MCU: variants seen among roughly 807,000 people sequenced by gnomAD.
The protein encoded by MCU is calcium uniporter protein, mitochondrial.
MCU carries 12 observed loss-of-function variants against 45.2 expected under a neutral mutation model. The observed-to-expected ratio is 0.27, with a 90% CI of 0.17 to 0.43. The LOEUF (loss-of-function observed/expected upper bound fraction) is 0.43. Among genes scored for constraint, MCU ranks in the 20% least tolerant of loss-of-function variants. The probability of loss-of-function intolerance (pLI) is 1.00; values close to 1 mark genes in which losing one functional copy is unlikely to be tolerated. For missense variants in MCU, 324 were observed against 436.7 expected, an observed-to-expected ratio of 0.74 and a Z score of 2.30; for synonymous variants, 160 against 165.1, an observed-to-expected ratio of 0.97 and a Z score of 0.24.
At chr10:72,768,613 T>C (rs1843761381) in intron 1 of MCU, among the ~76,000 whole-genome samples, 1 of 152,252 alleles carries the variant, frequency 6.6e-6, no homozygotes, top group African/African-American at 2.4e-5. Context: ...CCATTCACTT[T>C]GATTGTCATT....
At chr10:72,844,556 T>C (rs1191505995) in intron 2 of MCU, among the ~76,000 whole-genome samples, 1 of 152,084 alleles carries the variant, frequency 6.6e-6, no homozygotes, top group Non-Finnish European at 1.5e-5. Flanking sequence ...GTGACAAGAA[T>C]GCGACTCTGT....
At chr10:72,692,729 C>T (rs957891322) in intron 1 of MCU, 1 of 1,276,418 alleles carries the variant, frequency 7.8e-7, no homozygotes, top group African/African-American at 1.5e-5. Flanking sequence ...GCCGCGGCCG[C>T]CTTGTGTGTG....
chr10:72,765,118 G>T (rs1843707482), intron 1 of MCU, among the ~76,000 whole-genome samples: 1 of 151,512 alleles, frequency 6.6e-6, no homozygotes, highest in Non-Finnish European at 1.5e-5. Flanking sequence ...GAGAGTTAGG[G>T]CATGTAGAAC....
chr10:72,860,386 A>G (rs755215498), intron 3 of MCU, 37 bp from the exon 4 acceptor site: 4 of 1,526,156 alleles, frequency 2.6e-6, no homozygotes, highest in African/African-American at 2.7e-5. Context: ...TTGAATAATT[A>G]TGGACCTATG....
chr10:72,841,388 C>T (rs1236744302), intron 2 of MCU, among the ~76,000 whole-genome samples: 1 of 152,116 alleles, frequency 6.6e-6, no homozygotes, highest in Non-Finnish European at 1.5e-5. Context: ...ACCTCCTTCT[C>T]CCAGGTTCAA....
chr10:72,869,001 T>C, intron 5 of MCU, 138 bp downstream of exon 5: 1 of 864,228 alleles, frequency 1.2e-6, no homozygotes, highest in Non-Finnish European at 1.7e-6. Flanking sequence ...GACTGAACCA[T>C]AAAAAAGTTT....
chr10:72,817,293 A>G (rs1488145020), intron 1 of MCU, among the ~76,000 whole-genome samples: 1 of 152,216 alleles, frequency 6.6e-6, no homozygotes, highest in Non-Finnish European at 1.5e-5. Flanking sequence ...CAGTAATAGG[A>G]ACCTTTAATC....
At chr10:72,763,904 C>T (rs1372603147) in intron 1 of MCU, among the ~76,000 whole-genome samples, 2 of 152,018 alleles carry the variant, frequency 1.3e-5, no homozygotes, top group Admixed American at 1.3e-4. Context: ...TATTAATACT[C>T]TCCCCTTCAC....
chr10:72,707,223 G>C (rs1265637588), intron 1 of MCU, among the ~76,000 whole-genome samples: 2 of 144,072 alleles, frequency 1.4e-5, no homozygotes, highest in Non-Finnish European at 3.0e-5. Context: ...TTTTGAGAGA[G>C]AGTCTTGCTA....
At chr10:72,749,764 G>T (rs1843467184) in intron 1 of MCU, among the ~76,000 whole-genome samples, 1 of 151,976 alleles carries the variant, frequency 6.6e-6, no homozygotes, top group African/African-American at 2.4e-5. Context: ...TTGTAGCTTT[G>T]CTACCTTCTT....
chr10:72,722,022 T>C (rs2132673147), intron 1 of MCU, among the ~76,000 whole-genome samples: 1 of 152,344 alleles, frequency 6.6e-6, no homozygotes, highest in East Asian at 1.9e-4. Context: ...TATATTGTTC[T>C]CACAGTAACA....
chr10:72,837,122 A>G (rs1844966588), intron 2 of MCU, among the ~76,000 whole-genome samples: 1 of 152,188 alleles, frequency 6.6e-6, no homozygotes, highest in Non-Finnish European at 1.5e-5. Context: ...TATGACGGTA[A>G]CAGCTGATAA....
At chr10:72,810,342 C>T (rs1439557300) in intron 1 of MCU, among the ~76,000 whole-genome samples, 1 of 151,718 alleles carries the variant, frequency 6.6e-6, no homozygotes, top group South Asian at 2.1e-4. Flanking sequence ...GACTGAGAGG[C>T]AGGAAACAGT....
At chr10:72,869,311 G>A (rs963037518) in intron 5 of MCU, among the ~76,000 whole-genome samples, 17 of 152,362 alleles carry the variant, frequency 1.1e-4, no homozygotes, top group Middle Eastern at 3.4e-3. Context: ...AAGGCTGGGC[G>A]TGGTGGCTCA....
At chr10:72,744,551 AC>A (rs1843383861) in intron 1 of MCU, among the ~76,000 whole-genome samples, 1 of 152,118 alleles carries the variant, frequency 6.6e-6, no homozygotes, top group African/African-American at 2.4e-5. Flanking sequence ...AATTGCTTGA[AC>A]CCAGGAGGCG....
chr10:72,833,914 ATT>A (rs1265601741), intron 1 of MCU, among the ~76,000 whole-genome samples: 1 of 152,206 alleles, frequency 6.6e-6, no homozygotes, highest in Non-Finnish European at 1.5e-5. Flanking sequence ...ATAATAGTAA[ATT>A]CTTGATACAG....
At chr10:72,727,243 A>G (rs1259682086) in intron 1 of MCU, among the ~76,000 whole-genome samples, 1 of 152,224 alleles carries the variant, frequency 6.6e-6, no homozygotes, top group East Asian at 1.9e-4. Context: ...CACAGCAGAT[A>G]ACATCTAGAA....
intron 1 of MCU, among the ~76,000 whole-genome samples, chr10:72,769,972 C>T (rs1589451701): frequency 6.6e-6 from 1 of 152,192 alleles, no homozygotes; most frequent in South Asian, 2.1e-4. Flanking sequence ...AGCTGCATCC[C>T]GTAAGTTTTG....
At chr10:72,735,071 C>CT (rs1029160349) in intron 1 of MCU, among the ~76,000 whole-genome samples, 1 of 142,508 alleles carries the variant, frequency 7.0e-6, no homozygotes, top group African/African-American at 2.6e-5. Context: ...GTGAGATTGT[C>CT]TCAAAAAAAA....
Sources: allele counts gnomAD v4.1 joint callset (sites outside exome capture counted in the v4.1 genomes callset), GRCh38; gene constraint gnomAD v4.1.1; transcripts MANE v1.5; gene names NCBI Gene and HGNC (gene_info 2026-07-23, HGNC 2026-07-21).